The following MROH2A variants were observed in gnomAD, a reference collection of about 807,000 sequenced individuals.
MROH2A encodes maestro heat like repeat family member 2A, also known as maestro heat-like repeat-containing protein family member 2A.
In MROH2A, 174 loss-of-function variants were observed where a neutral mutation model predicts 200.4. The observed-to-expected ratio is 0.87, with a 90% CI of 0.77 to 0.98. MROH2A has a LOEUF of 0.98. Among genes scored for constraint, MROH2A ranks in the 50% least tolerant of loss-of-function variants. The pLI, the probability that MROH2A is intolerant of heterozygous loss-of-function variation, is 0.00. For missense variants in MROH2A, 2,045 were observed against 2,139.6 expected (o/e 0.96, Z 0.87); for synonymous variants, 829 against 840.4 (o/e 0.99, Z 0.23).
At chr2:233,788,004 T>C (rs866547135) in intron 3 of MROH2A, among the ~76,000 whole-genome samples, 3 of 71,696 alleles carry the variant, frequency 4.2e-5, no homozygotes, top group African/African-American at 6.1e-5. Context: ...ATTATATATA[T>C]ACATATATAT....
At chr2:233,803,330 G>T in intron 15 of MROH2A, 118 bp from the exon 16 acceptor site, 2 of 1,064,754 alleles carry the variant, frequency 1.9e-6, no homozygotes, top group Non-Finnish European at 1.4e-6. Context: ...TGGGGGTTTG[G>T]GGAACAAGAT....
chr2:233,800,542 C>T (rs367982489), intron 14 of MROH2A, among the ~76,000 whole-genome samples: 24 of 152,146 alleles, frequency 1.6e-4, no homozygotes, highest in African/African-American at 5.6e-4. Flanking sequence ...GGGCAGTGCA[C>T]GACCTCAGCA....
At chr2:233,831,664 C>T (rs879666) in intron 39 of MROH2A, 124 bp downstream of exon 39, 100,561 of 1,073,262 alleles carry the variant, frequency 0.094, 10,437 homozygotes, top group African/African-American at 0.49. Flanking sequence ...CATGCCATGT[C>T]GAGACCGGCA....
At position 233,810,805 on chromosome 2, in the gene MROH2A, C is replaced by G; in HGVS notation, c.2460C>G (p.Leu820=). 1 of 1,550,338 alleles carries G rather than the reference C, an allele frequency of 6.5e-7. No individual in the cohort carries two copies. Among genetic ancestry groups the G allele is most frequent in the Non-Finnish European group, 8.7e-7 (1 of 1,146,792 alleles). The stretch of plus-strand genomic sequence containing the variant: ...CCTTCTGGGCTCAGGACATCTGTCT[C>G]AAAATGGCCTTCATGAAGAGTGTTG... The part of the protein sequence containing the change: ...HYVSSCQDIC[L]KMAFMKSVVQ... Residue 820 remains leucine (L), a synonymous_variant, in exon 23 of 42, where the codon CTC becomes CTG. Coordinates refer to ENST00000389758, the MANE Select transcript of MROH2A (RefSeq NM_001394639.1).
Position 233,831,455 on chromosome 2 carries a change from A to G in MROH2A, c.4649A>G (p.Lys1550Arg), listed in dbSNP as rs1276010982. ...MFQCVHFWGWKSLEHPSGPSD... is the reference protein window; with the variant it reads ...MFQCVHFWGWRSLEHPSGPSD... ...CAGTGTGTGCACTTCTGGGGCTGGA[A>G]GTCCCTGGAGCATCCCTCAGGGCCA... Residue 1550 changes from lysine to arginine, a missense_variant, in exon 39 of 42, where the codon AAG becomes AGG. By Grantham distance (26) the Lys-to-Arg change is conservative. Transcript: ENST00000389758. 1 of 1,550,440 alleles carries G rather than the reference A, an allele frequency of 6.4e-7. No individual in the cohort carries two copies. Among genetic ancestry groups the G allele is most frequent in the Admixed American group, 2.0e-5 (1 of 50,980 alleles).
rs545562943 is a variant in MROH2A at position 233,819,355 on chromosome 2, G to A, written c.3243G>A (p.Ser1081=). 2.6e-6 allele frequency: 4 copies of A among 1,550,494 alleles called. No individual in the cohort carries two copies. Among genetic ancestry groups the A allele is most frequent in the African/African-American group, 1.4e-5 (1 of 73,162 alleles). The part of the protein sequence containing the change: ...CMEFSCDEVV[S]LIQKLCENTG... The stretch of plus-strand genomic sequence containing the variant: ...AGTTTAGCTGCGATGAGGTGGTCTC[G>A]CTCATCCAGAAGCTCTGCGAGAACA... The change falls in exon 30 of 42, where the codon TCG becomes TCA. Residue 1081 remains serine, a synonymous_variant. Coordinates refer to ENST00000389758, the MANE Select transcript of MROH2A (RefSeq NM_001394639.1).
upstream of MROH2A, among the ~76,000 whole-genome samples, chr2:233,776,600 A>G (rs1239108503): frequency 3.3e-5 from 5 of 152,020 alleles, no homozygotes; most frequent in Non-Finnish European, 7.4e-5. Flanking sequence ...AGCCAAGCAG[A>G]GCCCCCTTCT....
chr2:233,822,684 C>A, intron 33 of MROH2A, 128 bp downstream of exon 33: 1 of 1,177,840 alleles, frequency 8.5e-7, no homozygotes. Context: ...TGATCTTACT[C>A]AAAATGCCGT....
At chr2:233,806,792 AT>A (rs938348801) in intron 19 of MROH2A, among the ~76,000 whole-genome samples, 4 of 151,848 alleles carry the variant, frequency 2.6e-5, no homozygotes, top group Non-Finnish European at 5.9e-5. Flanking sequence ...TATTTTATTT[AT>A]TTTTTTGAAA....
intron 5 of MROH2A, among the ~76,000 whole-genome samples, chr2:233,792,023 C>T (rs1011082223): frequency 6.6e-6 from 1 of 152,162 alleles, no homozygotes; most frequent in African/African-American, 2.4e-5. Flanking sequence ...CTCTTTTTCT[C>T]TGCTGGCCTC....
rs961878662 is a variant in MROH2A at position 233,818,729 on chromosome 2, G to T, written c.3163G>T (p.Asp1055Tyr). ...ATGTAAGGGGGACCTCCAGAGCACA[G>T]ATGTGGAGAAGATCTTCTGTGCATC... ...EKCKGDLQSTDVEKIFCASSR... is the reference protein window; with the variant it reads ...EKCKGDLQSTYVEKIFCASSR... Residue 1055 changes from aspartate to tyrosine, a missense_variant, in exon 29 of 42, where the codon GAT becomes TAT. Asp to Tyr is a radical substitution (Grantham distance 160, BLOSUM62 -3). Coordinates refer to ENST00000389758, the MANE Select transcript of MROH2A (RefSeq NM_001394639.1). 1 of 1,550,270 alleles carries T rather than the reference G, an allele frequency of 6.5e-7. No individual in the cohort carries two copies. The highest frequency in any genetic ancestry group is 2.0e-5 in the Admixed American group (1 of 50,992).
intron 38 of MROH2A, among the ~76,000 whole-genome samples, chr2:233,831,026 G>C (rs574907861): frequency 4.6e-5 from 7 of 152,294 alleles, no homozygotes; most frequent in East Asian, 1.9e-4. Context: ...TGGCCAGCAG[G>C]CTTGGTCACA....
chr2:233,826,401 A>G (rs912076467), intron 35 of MROH2A, among the ~76,000 whole-genome samples: 4 of 152,202 alleles, frequency 2.6e-5, no homozygotes, highest in Non-Finnish European at 5.9e-5. Flanking sequence ...AGAATAGAGA[A>G]CTCAGAAATA....
intron 35 of MROH2A, among the ~76,000 whole-genome samples, chr2:233,824,097 C>T (rs1242048010): frequency 6.6e-6 from 1 of 152,030 alleles, no homozygotes; most frequent in South Asian, 2.1e-4. Context: ...GAACCAACCA[C>T]AGCCCAGGCC....
chr2:233,796,118 C>T (rs1702092886), intron 10 of MROH2A, 73 bp downstream of exon 10: 5 of 1,516,114 alleles, frequency 3.3e-6, no homozygotes, highest in South Asian at 1.2e-5. Context: ...CCCGGCCCCT[C>T]TGAGCGCTGG....
At chr2:233,823,471 A>G in intron 34 of MROH2A, 85 bp from the exon 35 acceptor site, 1 of 1,470,000 alleles carries the variant, frequency 6.8e-7, no homozygotes, top group Non-Finnish European at 9.1e-7. Flanking sequence ...GGGTCCAGGC[A>G]CCGATGTGGC....
At chr2:233,818,179 A>T in intron 28 of MROH2A, 54 bp downstream of exon 28, 1 of 1,540,864 alleles carries the variant, frequency 6.5e-7, no homozygotes, top group Non-Finnish European at 8.7e-7. Context: ...GAGAGGGCTG[A>T]CTCCAGGAGT....
rs1009449535 is a variant in MROH2A at position 233,820,391 on chromosome 2, G to A, written c.3512+335G>A. 4.6e-5 allele frequency among the ~76,000 whole-genome samples: 7 copies of A among 152,142 alleles called. No homozygotes were observed. Among genetic ancestry groups the A allele is most frequent in the Admixed American group, 2.6e-4 (4 of 15,282 alleles). ...CTCCAGCAGATGGGCTGCAGGGTGC[G>A]GCTCCAAGGCATGAGCAAGCCCTGG... On this transcript the variant is annotated intron_variant, in intron 31 of 41. Transcript: ENST00000389758. This position sits in a 1 kb window ranked among gnomAD's most constrained non-coding sequence, Gnocchi z 4.1.
intron 27 of MROH2A, 134 bp downstream of exon 27, chr2:233,817,019 A>T: frequency 3.4e-6 from 2 of 583,846 alleles, no homozygotes; most frequent in Non-Finnish European, 3.0e-6. Flanking sequence ...GAGAGGCTGC[A>T]GTGACCTAGT....
Sources: allele counts gnomAD v4.1 joint callset (sites outside exome capture counted in the v4.1 genomes callset), GRCh38; gene constraint gnomAD v4.1.1; non-coding constraint Gnocchi (gnomAD v3.1); transcripts MANE v1.5; gene names NCBI Gene and HGNC (gene_info 2026-07-23, HGNC 2026-07-21).